The following CDH12 variants were observed in gnomAD, a reference collection of about 807,000 sequenced individuals.
The protein encoded by CDH12 is cadherin-12.
A neutral mutation model predicts 74.1 loss-of-function variants in CDH12; 41 were observed. The ratio of observed to expected loss-of-function variants is 0.55; its 90% CI spans 0.43 to 0.72. The LOEUF is 0.72. Among genes scored for constraint, CDH12 ranks in the 30% least tolerant of loss-of-function variants. CDH12 has a pLI of 0.00. For missense variants in CDH12, 945 were observed against 977.2 expected (o/e 0.97, Z 0.44); for synonymous variants, 399 against 355.0 (o/e 1.12, Z -1.39).
intron 4 of CDH12, among the ~76,000 whole-genome samples, chr5:22,107,379 G>A (rs770120825): frequency 9.9e-5 from 15 of 151,450 alleles, no homozygotes; most frequent in South Asian, 4.2e-4. Flanking sequence ...TGATCCGTCC[G>A]TCTTGGCCTC....
intron 5 of CDH12, among the ~76,000 whole-genome samples, chr5:22,031,052 G>A (rs1738785386): frequency 6.6e-6 from 1 of 152,056 alleles, no homozygotes; most frequent in Admixed American, 6.6e-5. Flanking sequence ...AGAACGTTGT[G>A]GGCCAGGCAT....
intron 1 of CDH12, among the ~76,000 whole-genome samples, chr5:22,604,959 T>C (rs1501747): frequency 0.49 from 74,022 of 152,040 alleles, 18,262 homozygotes; most frequent in Admixed American, 0.57. Context: ...GCAATGAGAC[T>C]TCCCTCTCTC....
chr5:21,846,853 T>C (rs1390599227), intron 7 of CDH12, among the ~76,000 whole-genome samples: 1 of 152,114 alleles, frequency 6.6e-6, no homozygotes, highest in Non-Finnish European at 1.5e-5. Flanking sequence ...AAGAAGAAAA[T>C]GGTTTTTTGT....
At chr5:22,832,823 T>C (rs1190945035) in intron 1 of CDH12, among the ~76,000 whole-genome samples, 1 of 152,166 alleles carries the variant, frequency 6.6e-6, no homozygotes, top group African/African-American at 2.4e-5. Flanking sequence ...GATACAAATA[T>C]TATTTTTGCT....
chr5:22,319,151 T>G (rs1738754739), intron 3 of CDH12, among the ~76,000 whole-genome samples: 1 of 152,048 alleles, frequency 6.6e-6, no homozygotes, highest in Admixed American at 6.6e-5. Context: ...CAAGAAATAT[T>G]TTAGAGATGT....
chr5:22,752,907 AAGAAGAC>A, intron 1 of CDH12, among the ~76,000 whole-genome samples: 1 of 151,882 alleles, frequency 6.6e-6, no homozygotes, highest in East Asian at 1.9e-4. Flanking sequence ...CATTCCTCTG[AAGAAGAC>A]AGATAAGGCA....
intron 5 of CDH12, among the ~76,000 whole-genome samples, chr5:22,038,649 G>A (rs1473021010): frequency 1.3e-5 from 2 of 152,196 alleles, no homozygotes; most frequent in Non-Finnish European, 2.9e-5. Flanking sequence ...TCGTGCCTAA[G>A]TTGAAGCAAT....
At chr5:22,605,972 T>A (rs1737095959) in intron 1 of CDH12, among the ~76,000 whole-genome samples, 1 of 152,316 alleles carries the variant, frequency 6.6e-6, no homozygotes, top group South Asian at 2.1e-4. Context: ...CATGGGCAAG[T>A]GCTGCTGAGC....
intron 3 of CDH12, among the ~76,000 whole-genome samples, chr5:22,356,172 T>C (rs1333006209): frequency 6.6e-6 from 1 of 152,148 alleles, no homozygotes; most frequent in African/African-American, 2.4e-5. Context: ...AACATCAAAA[T>C]CTGTTTGTGG....
chr5:21,849,005 A>G (rs1750326828), intron 7 of CDH12, among the ~76,000 whole-genome samples: 1 of 151,896 alleles, frequency 6.6e-6, no homozygotes, highest in Non-Finnish European at 1.5e-5. Context: ...ATCAAATCCA[A>G]CACCACCAGT....
intron 1 of CDH12, among the ~76,000 whole-genome samples, chr5:22,697,587 A>AAG (rs1413390993): frequency 6.7e-6 from 1 of 149,822 alleles, no homozygotes; most frequent in Non-Finnish European, 1.5e-5. Context: ...AAAAAAAAAA[A>AAG]AAGAAAGAAA....
At chr5:22,308,671 T>A (rs1196715710) in intron 3 of CDH12, among the ~76,000 whole-genome samples, 2 of 152,172 alleles carry the variant, frequency 1.3e-5, no homozygotes, top group Non-Finnish European at 2.9e-5. Context: ...ATAATCTCCC[T>A]ATTTGCAGAT....
chr5:21,950,196 C>T (rs1156259296), intron 6 of CDH12, among the ~76,000 whole-genome samples: 1 of 152,088 alleles, frequency 6.6e-6, no homozygotes, highest in African/African-American at 2.4e-5. Flanking sequence ...GATCAACAGG[C>T]TGTACCACAT....
chr5:21,875,128 T>G (rs1751860482), intron 6 of CDH12, among the ~76,000 whole-genome samples: 1 of 152,200 alleles, frequency 6.6e-6, no homozygotes, highest in Non-Finnish European at 1.5e-5. Flanking sequence ...ACACCATTGG[T>G]GGGCATGTAA....
At chr5:22,657,422 TAAAACAAAAC>T (rs1225675452) in intron 1 of CDH12, among the ~76,000 whole-genome samples, 1 of 152,140 alleles carries the variant, frequency 6.6e-6, no homozygotes, top group African/African-American at 2.4e-5. Flanking sequence ...TATTTTACAT[TAAAACAAAAC>T]AAAACAAAAC....
chr5:21,855,189 A>G (rs1444053624), intron 6 of CDH12, among the ~76,000 whole-genome samples: 3 of 151,794 alleles, frequency 2.0e-5, no homozygotes, highest in Non-Finnish European at 4.4e-5. Flanking sequence ...ACTGAACATT[A>G]GAGGTTGTTA....
intron 3 of CDH12, among the ~76,000 whole-genome samples, chr5:22,311,408 C>A (rs1051881472): frequency 8.6e-5 from 13 of 151,842 alleles, no homozygotes; most frequent in African/African-American, 2.9e-4. Flanking sequence ...AACAAAATAC[C>A]TTTAAACAAT....
At chr5:21,852,745 ACT>A (rs1219039245) in intron 7 of CDH12, among the ~76,000 whole-genome samples, 1 of 150,990 alleles carries the variant, frequency 6.6e-6, no homozygotes, top group African/African-American at 2.4e-5. Flanking sequence ...GACCTTTAAT[ACT>A]CTCTTTCTTC....
chr5:22,294,169 A>T (rs1737524738), intron 3 of CDH12, among the ~76,000 whole-genome samples: 1 of 152,130 alleles, frequency 6.6e-6, no homozygotes, highest in Admixed American at 6.5e-5. Context: ...TGAGATAGAG[A>T]TAGAAAAGAA....
Sources: gnomAD v4.1 joint callset for allele counts (sites outside exome capture counted in the v4.1 genomes callset) on GRCh38, gnomAD v4.1.1 for gene constraint, MANE v1.5 for transcripts, NCBI Gene and HGNC (gene_info 2026-07-23, HGNC 2026-07-21) for gene names.